Variants in CDK6 observed in about 807,000 individuals in gnomAD.
The protein encoded by CDK6 is cyclin dependent kinase 6, also known as cyclin-dependent kinase 6.
CDK6 carries 6 observed loss-of-function variants against 37.1 expected under a neutral mutation model. The observed-to-expected ratio is 0.16, with a 90% confidence interval of 0.09 to 0.32. The LOEUF is 0.32. Ranked by LOEUF, CDK6 falls within the 10% of genes least tolerant of loss-of-function variation. The probability of loss-of-function intolerance (pLI) is 1.00; values close to 1 mark genes in which losing one functional copy is unlikely to be tolerated. For synonymous variants in CDK6, 160 were observed against 161.3 expected (o/e 0.99, Z 0.06); for missense variants, 224 against 418.9 (o/e 0.53, Z 4.06).
rs1797488019 is a variant in CDK6, at chr7:92,687,527, T to G, written c.538-15992A>C. Among the ~76,000 whole-genome samples, 3 of 152,230 alleles carry G rather than the reference T, an allele frequency of 2.0e-5. No homozygotes were observed. The South Asian group carries it at 6.2e-4, about 31-fold the overall frequency. ...ATGTGTTTGTGTAATTCTGAAGGTA[T>G]GAAAAGTGTTCTAGATTAACAACTA... On this transcript the variant is annotated intron_variant, in intron 4 of 7. Coordinates refer to ENST00000424848, the MANE Select transcript of CDK6 (RefSeq NM_001145306.2).
rs548653519 is a variant in CDK6 at position 92,619,890 on chromosome 7, A to G, written c.699-1683T>C. 5.9e-5 allele frequency among the ~76,000 whole-genome samples: 9 copies of G among 152,302 alleles called. No individual in the cohort carries two copies. In the South Asian group the frequency reaches 1.9e-3, roughly 32 times the overall value. ...AGCCTACAATAGAAGTAAAAAGAAA[A>G]AAACCAAAAATACCACTATTAATTA... On this transcript the variant is annotated intron_variant, in intron 6 of 7. Transcript: ENST00000424848.
intron 5 of CDK6, among the ~76,000 whole-genome samples, chr7:92,647,886 T>C (rs143075630): frequency 2.0e-5 from 3 of 152,322 alleles, no homozygotes; most frequent in East Asian, 1.9e-4. Context: ...ATCTTGCAAG[T>C]AGAGACACTA....
intron 4 of CDK6, among the ~76,000 whole-genome samples, chr7:92,712,242 G>A (rs1327946815): frequency 6.6e-6 from 1 of 151,872 alleles, no homozygotes. Context: ...GGAAGAACCT[G>A]CAAAAAATGC....
chr7:92,658,841 G>T (rs1440300233), intron 5 of CDK6, among the ~76,000 whole-genome samples: 1 of 152,126 alleles, frequency 6.6e-6, no homozygotes, highest in African/African-American at 2.4e-5. Context: ...GTTTCTTAAA[G>T]TGTCACGTGG....
At position 92,611,948 on chromosome 7, in the gene CDK6, C is replaced by T. The variant is rs74980371; in HGVS notation, c.*3192G>A. On this transcript the variant is annotated 3_prime_UTR_variant, in exon 8 of 8. Transcript: ENST00000424848. ...TTTCTTCCAAAACAGGTTCTTTGCA[C>T]CTTGAGTTCCCATCCACTTCAAAGG... 7,203 of 232,858 alleles carry T rather than the reference C, an allele frequency of 0.031. 161 individuals carry two copies. Among genetic ancestry groups the T allele is most frequent in the Non-Finnish European group, 0.05 (5,871 of 117,790 alleles). The allele number at this position is 232,858 out of a possible 1,614,324, so 14.4% of individuals were successfully genotyped here.
intron 4 of CDK6, among the ~76,000 whole-genome samples, chr7:92,673,781 T>C (rs1036648861): frequency 5.3e-5 from 8 of 152,000 alleles, no homozygotes; most frequent in African/African-American, 1.7e-4. Context: ...TTCCTTCCTT[T>C]TTTTTTTTCT....
chr7:92,759,697 CAAAAAAAAAAAA>C (rs61188860), intron 3 of CDK6, among the ~76,000 whole-genome samples: 1 of 74,142 alleles, frequency 1.3e-5, no homozygotes, highest in African/African-American at 4.5e-5. Context: ...GACTTTAAGG[CAAAAAAAAAAAA>C]AAAAAAAGAA....
intron 4 of CDK6, among the ~76,000 whole-genome samples, chr7:92,717,138 T>C (rs146161724): frequency 5.2e-4 from 79 of 151,882 alleles, no homozygotes; most frequent in African/African-American, 1.7e-3. Flanking sequence ...CTTGAGGAAT[T>C]TGAGATCAGC....
At chr7:92,708,224 G>A (rs1361905852) in intron 4 of CDK6, among the ~76,000 whole-genome samples, 1 of 152,152 alleles carries the variant, frequency 6.6e-6, no homozygotes, top group Non-Finnish European at 1.5e-5. Flanking sequence ...AATGGATGAG[G>A]TGAACCAAGA....
At chr7:92,791,846 G>A (rs953997332) in intron 2 of CDK6, among the ~76,000 whole-genome samples, 2 of 152,210 alleles carry the variant, frequency 1.3e-5, no homozygotes, top group African/African-American at 2.4e-5. Context: ...GGGGAATTGC[G>A]GATAGTCTGG....
chr7:92,712,161 A>C (rs568689797), intron 4 of CDK6, among the ~76,000 whole-genome samples: 2 of 146,852 alleles, frequency 1.4e-5, no homozygotes, highest in African/African-American at 5.0e-5. Flanking sequence ...CTCCGTCCCA[A>C]AAAAAAAAAA....
chr7:92,622,480 C>T (rs1331231062), intron 6 of CDK6, among the ~76,000 whole-genome samples: 7 of 152,114 alleles, frequency 4.6e-5, no homozygotes, highest in African/African-American at 1.4e-4. Context: ...AAGCCCTTCA[C>T]GAGGTGTTTT....
At chr7:92,672,602 G>A (rs188946402) in intron 4 of CDK6, among the ~76,000 whole-genome samples, 73 of 148,302 alleles carry the variant, frequency 4.9e-4, no homozygotes, top group East Asian at 1.7e-3. Context: ...GAGTACATAG[G>A]GGGGGTTCAA....
chr7:92,742,568 G>T (rs77241874), intron 3 of CDK6, among the ~76,000 whole-genome samples: 61 of 152,196 alleles, frequency 4.0e-4, no homozygotes, highest in African/African-American at 1.4e-3. Context: ...GAGGAATACA[G>T]TTTTTACACT....
At chr7:92,693,536 G>C (rs1463708109) in intron 4 of CDK6, among the ~76,000 whole-genome samples, 3 of 152,028 alleles carry the variant, frequency 2.0e-5, no homozygotes, top group African/African-American at 4.8e-5. Context: ...AGTTTATACA[G>C]GTATATTCTA....
At chr7:92,718,085 C>T (rs1448635999) in intron 4 of CDK6, among the ~76,000 whole-genome samples, 1 of 152,194 alleles carries the variant, frequency 6.6e-6, no homozygotes, top group African/African-American at 2.4e-5. Context: ...GTTCCCAGCT[C>T]TGTGCACTGC....
rs1172884793 is a variant in CDK6 at position 92,613,390 on chromosome 7, T to C, written c.*1750A>G. 4.3e-6 allele frequency: 1 copy of C among 233,622 alleles called. No individual in the cohort carries two copies. The highest frequency in any genetic ancestry group is 6.0e-5 in the East Asian group (1 of 16,592). 14.5% of individuals were successfully genotyped at this position (233,622 alleles called of 1,614,324 possible). On this transcript the variant is annotated 3_prime_UTR_variant, in exon 8 of 8. Coordinates refer to ENST00000424848, the MANE Select transcript of CDK6 (RefSeq NM_001145306.2). ...ACTGTTGCATGATCTAACTGTTGCA[T>C]GCACTCTGAGTCAGAAAGCACAGGT...
chr7:92,740,664 G>T (rs1004551762), intron 3 of CDK6, among the ~76,000 whole-genome samples: 7 of 152,046 alleles, frequency 4.6e-5, no homozygotes, highest in Non-Finnish European at 1.0e-4. Flanking sequence ...ATTTTTCTCA[G>T]CAACCCCTTG....
At chr7:92,705,324 T>C (rs1797941859) in intron 4 of CDK6, among the ~76,000 whole-genome samples, 1 of 152,224 alleles carries the variant, frequency 6.6e-6, no homozygotes, top group South Asian at 2.1e-4. Flanking sequence ...CAAAGTATTT[T>C]TACTACGATG....
Sources: gnomAD v4.1 joint callset for allele counts (sites outside exome capture counted in the v4.1 genomes callset) on GRCh38, gnomAD v4.1.1 for gene constraint, MANE v1.5 for transcripts, NCBI Gene and HGNC (gene_info 2026-07-23, HGNC 2026-07-21) for gene names.